The following TMEM276 variants were observed in gnomAD, a reference collection of about 807,000 sequenced individuals.
The protein encoded by TMEM276 is transmembrane protein 276.
chr8:144,464,921 T>C, the TMEM276 span: 15 of 1,610,042 alleles, frequency 9.3e-6, no homozygotes, highest in Non-Finnish European at 1.2e-5. Context: ...GGCGGCAGTA[T>C]GTACGAGGAC....
chr8:144,464,450 C>T, the TMEM276 span: 1 of 1,612,208 alleles, frequency 6.2e-7, no homozygotes, highest in East Asian at 2.2e-5. Context: ...GAGGAGCGGT[C>T]CCCATTCACC....
chr8:144,464,385 G>A, the TMEM276 span: 29 of 1,609,492 alleles, frequency 1.8e-5, no homozygotes, highest in Non-Finnish European at 2.4e-5. Flanking sequence ...CCTCAGGGCC[G>A]AGGTGGCCGC....
At chr8:144,464,044 C>T in the TMEM276 span, 3 of 1,549,032 alleles carry the variant, frequency 1.9e-6, no homozygotes, top group Non-Finnish European at 2.6e-6. Context: ...AGAGTCTACC[C>T]CTAGGGAGAA....
chr8:144,466,984 G>A, the TMEM276 span: 2 of 1,596,250 alleles, frequency 1.3e-6, no homozygotes, highest in Admixed American at 1.7e-5. Flanking sequence ...AGGATGGGTC[G>A]GAAGGCGCAG....
the TMEM276 span, chr8:144,464,952 T>A: frequency 6.3e-7 from 1 of 1,597,608 alleles, no homozygotes; most frequent in East Asian, 2.2e-5. Flanking sequence ...GATACTCAAC[T>A]TTGGAGAGGA....
chr8:144,466,452 C>G, the TMEM276 span: 2 of 1,361,156 alleles, frequency 1.5e-6, no homozygotes, highest in Non-Finnish European at 1.9e-6. Flanking sequence ...TCATCTACAT[C>G]TTCTACAGCC....
At chr8:144,466,556 C>T in the TMEM276 span, 1 of 1,082,202 alleles carries the variant, frequency 9.2e-7, no homozygotes, top group Non-Finnish European at 1.2e-6. Flanking sequence ...CGTCTCCCGC[C>T]GCCTGCCCCA....
the TMEM276 span, chr8:144,466,507 G>T: frequency 7.7e-7 from 1 of 1,300,196 alleles, no homozygotes. Context: ...GGAGCCCGGG[G>T]ACCCCGCCCA....
At chr8:144,466,799 C>A in the TMEM276 span, 1 of 1,536,408 alleles carries the variant, frequency 6.5e-7, no homozygotes, top group Non-Finnish European at 8.7e-7. Context: ...CCCAGACCTG[C>A]CCGCGCCAGA....
chr8:144,466,744 C>T, the TMEM276 span: 2 of 1,520,300 alleles, frequency 1.3e-6, no homozygotes, highest in Non-Finnish European at 1.8e-6. Context: ...CAGGGGCGCC[C>T]CTGCCCCCTC....
At chr8:144,467,008 G>A in the TMEM276 span, 2 of 1,595,872 alleles carry the variant, frequency 1.3e-6, no homozygotes, top group Admixed American at 1.7e-5. Context: ...AGGGCCGCGC[G>A]GCCGCGGTGT....
chr8:144,464,634 A>C, the TMEM276 span: 3,057 of 1,589,400 alleles, frequency 1.9e-3, 50 homozygotes, highest in African/African-American at 0.034. Flanking sequence ...GGGAAGGGAG[A>C]ACACGTGGGA....
the TMEM276 span, chr8:144,466,648 C>T: frequency 1.9e-6 from 2 of 1,028,342 alleles, no homozygotes; most frequent in South Asian, 2.1e-5. Flanking sequence ...CGGCTCGGCC[C>T]CGATGCTGGA....
At chr8:144,466,742 C>A in the TMEM276 span, 20 of 1,517,606 alleles carry the variant, frequency 1.3e-5, no homozygotes, top group Non-Finnish European at 1.8e-5. Context: ...CTCAGGGGCG[C>A]CCCTGCCCCC....
At chr8:144,465,457 G>T in the TMEM276 span, 3 of 996,854 alleles carry the variant, frequency 3.0e-6, no homozygotes, top group Non-Finnish European at 3.6e-6. Context: ...CCCAGTTGCG[G>T]GAGCGAGCGC....
At chr8:144,464,278 C>G in the TMEM276 span, 5 of 1,613,274 alleles carry the variant, frequency 3.1e-6, no homozygotes, top group Non-Finnish European at 4.2e-6. Flanking sequence ...CAGCATCGCC[C>G]CCCCCCACAT....
At chr8:144,465,499 AGGCTAGAGCGGCCGGGCGG>A in the TMEM276 span, 4 of 920,858 alleles carry the variant, frequency 4.3e-6, no homozygotes, top group African/African-American at 6.2e-5. Flanking sequence ...AGAGGAGCGG[AGGCTAGAGCGGCCGGGCGG>A]GGCTAGAGCG....
the TMEM276 span, chr8:144,465,928 CTG>C: frequency 9.5e-6 from 1 of 105,334 alleles, no homozygotes; most frequent in African/African-American, 3.8e-5. Flanking sequence ...CTGGGCGAGA[CTG>C]AGAGGGACCG....
the TMEM276 span, chr8:144,467,009 GCCGCGGTGTCCCTGGAAGAGGCCCT>G: frequency 6.3e-7 from 1 of 1,596,178 alleles, no homozygotes; most frequent in Non-Finnish European, 8.5e-7. Flanking sequence ...GGGCCGCGCG[GCCGCGGTGTCCCTGGAAGAGGCCCT>G]ACTGCGCCTC....
Sources: allele counts gnomAD v4.1 joint callset, GRCh38; gene constraint gnomAD v4.1.1; transcripts MANE v1.5; gene names NCBI Gene and HGNC (gene_info 2026-07-23, HGNC 2026-07-21).